The following FAM118A variants were observed in gnomAD, a reference collection of about 807,000 sequenced individuals.
FAM118A encodes the protein SIR2 antiphage like 2.
Under a neutral mutation model 38.2 loss-of-function variants are expected in FAM118A, and 25 were observed. The observed-to-expected ratio is 0.65, with a 90% CI of 0.48 to 0.91. The LOEUF is 0.91. Ranked by LOEUF, FAM118A falls within the 40% of genes least tolerant of loss-of-function variation. FAM118A has a pLI of 0.00. For synonymous variants in FAM118A, 178 were observed against 184.1 expected (o/e 0.97, Z 0.27); for missense variants, 425 against 463.3 (o/e 0.92, Z 0.76).
Position 45,340,651 on chromosome 22 carries a change from C to T in FAM118A, c.*246C>T. 2 of 547,462 alleles carry T rather than the reference C, an allele frequency of 3.7e-6. No homozygotes were observed. The highest frequency in any genetic ancestry group is 6.5e-6 in the Non-Finnish European group (2 of 308,686). The allele number at this position is 547,462 out of a possible 1,614,324, so 33.9% of individuals were successfully genotyped here. A position where few individuals can be genotyped will look rare whatever the true frequency, so the allele number is the denominator to read the frequency against. ...TTTGCAAGGACTGATGGATAGCTAC[C>T]TCAGGGACCAGAATCCGTGGGAAGG... On this transcript the variant is annotated 3_prime_UTR_variant, in exon 9 of 9. Transcript: ENST00000441876.
At chr22:45,322,157 C>T (rs1171752093) in intron 1 of FAM118A, 2 of 1,494,300 alleles carry the variant, frequency 1.3e-6, no homozygotes, top group South Asian at 1.2e-5. Flanking sequence ...CAGCGAGAGT[C>T]CAACCAGCCT....
intron 3 of FAM118A, among the ~76,000 whole-genome samples, chr22:45,326,477 C>T (rs2085272892): frequency 6.6e-6 from 1 of 152,044 alleles, no homozygotes; most frequent in South Asian, 2.1e-4. Flanking sequence ...CACTTGAGGG[C>T]AGGAGTTCAA....
chr22:45,339,006 C>T (rs1173968793), intron 8 of FAM118A, among the ~76,000 whole-genome samples: 1 of 152,230 alleles, frequency 6.6e-6, no homozygotes, highest in African/African-American at 2.4e-5. Flanking sequence ...GCCCTAGCGT[C>T]CTGCCGTCCA....
chr22:45,316,383 C>T (rs1331250942), intron 1 of FAM118A, among the ~76,000 whole-genome samples: 2 of 152,144 alleles, frequency 1.3e-5, no homozygotes, highest in Non-Finnish European at 2.9e-5. Context: ...CTCTCCCAAG[C>T]CTACGTGGGA....
chr22:45,337,108 A>G (rs2086158768), intron 8 of FAM118A, among the ~76,000 whole-genome samples: 1 of 152,096 alleles, frequency 6.6e-6, no homozygotes, highest in African/African-American at 2.4e-5. Flanking sequence ...TTCTTTAAAT[A>G]ACATACTTAA....
chr22:45,323,238 C>T lies in FAM118A; in HGVS notation c.111C>T (p.Gly37=), dbSNP rs759672615. The part of the protein sequence containing the change: ...PQELLLVIGT[G]VSAAVAPGIP... ...AACTGCTCCTGGTTATCGGGACTGG[C>T]GTCAGCGCAGCAGTGGCCCCCGGAA... Residue 37 remains glycine, a synonymous_variant, in exon 3 of 9, where the codon GGC becomes GGT. Transcript: ENST00000441876. 1.2e-5 allele frequency: 20 copies of T among 1,614,206 alleles called. No homozygotes were observed. In the East Asian group the frequency reaches 1.6e-4, roughly 13 times the overall value.
At chr22:45,312,240 G>A (rs2084401572) in intron 1 of FAM118A, among the ~76,000 whole-genome samples, 1 of 152,190 alleles carries the variant, frequency 6.6e-6, no homozygotes, top group Non-Finnish European at 1.5e-5. Context: ...ACTACCTGGA[G>A]ATAGCATCAA....
intron 6 of FAM118A, among the ~76,000 whole-genome samples, chr22:45,333,744 G>C (rs1364652754): frequency 6.6e-6 from 1 of 151,870 alleles, no homozygotes; most frequent in African/African-American, 2.4e-5. Flanking sequence ...TGGAGGCTCA[G>C]GTGGGGGGAT....
rs564003803 is a variant in FAM118A at position 45,337,382 on chromosome 22, C to T, written c.1054+971C>T. 6.8e-4 allele frequency among the ~76,000 whole-genome samples: 104 copies of T among 152,336 alleles called. 2 individuals are homozygous for T. In the South Asian group the frequency reaches 0.021, roughly 30 times the overall value. On this transcript the variant is annotated intron_variant, in intron 8 of 8. Coordinates refer to ENST00000441876, the MANE Select transcript of FAM118A (RefSeq NM_017911.4). ...AGTGCCACGCCGCCTGTGCCAGCTG[C>T]GGATGTGTCCTCAATGTCAGGGTCA...
At position 45,335,341 on chromosome 22, in the gene FAM118A, C is replaced by G; in HGVS notation, c.938-9C>G. On this transcript the variant is annotated splice_polypyrimidine_tract_variant and intron_variant, in intron 6 of 8. Coordinates refer to ENST00000441876, the MANE Select transcript of FAM118A (RefSeq NM_017911.4). The stretch of plus-strand genomic sequence containing the variant: ...TCGGCTCCACTGACTGCTTTTCTTT[C>G]TCCTTCAGATGCTGATCGCGTGGAC... 1 of 1,614,254 alleles carries G rather than the reference C, an allele frequency of 6.2e-7. No homozygotes were observed. Among genetic ancestry groups the G allele is most frequent in the East Asian group, 2.2e-5 (1 of 44,886 alleles).
intron 1 of FAM118A, chr22:45,318,351 A>T (rs752794340): frequency 6.6e-6 from 1 of 152,176 alleles, no homozygotes; most frequent in Non-Finnish European, 1.5e-5. Flanking sequence ...GGGCCCACAC[A>T]CCGTGGTGAC....
chr22:45,322,265 A>T, intron 1 of FAM118A, 106 bp from the exon 2 acceptor site: 1 of 1,575,908 alleles, frequency 6.3e-7, no homozygotes, highest in East Asian at 2.3e-5. Flanking sequence ...TTAAGTAAAG[A>T]TTGAGGACCT....
At chr22:45,335,504 C>T (rs1307664163) in intron 7 of FAM118A, 122 bp downstream of exon 7, 2 of 1,111,374 alleles carry the variant, frequency 1.8e-6, no homozygotes, top group Admixed American at 2.1e-5. Flanking sequence ...TGTATTAAAA[C>T]AGCCCCACTG....
At chr22:45,317,583 G>A (rs1025204992) in intron 1 of FAM118A, among the ~76,000 whole-genome samples, 5 of 152,186 alleles carry the variant, frequency 3.3e-5, no homozygotes, top group Admixed American at 3.3e-4. Context: ...CGTGATGTTC[G>A]TTCATTCGTC....
chr22:45,318,013 G>GGGTT (rs2146603589), intron 1 of FAM118A, among the ~76,000 whole-genome samples: 1 of 152,340 alleles, frequency 6.6e-6, no homozygotes, highest in African/African-American at 2.4e-5. Flanking sequence ...TACCACGGTA[G>GGGTT]GGTTGTGAGG....
At position 45,327,917 on chromosome 22, in the gene FAM118A, C is replaced by T. The variant is rs140683394; in HGVS notation, c.376C>T (p.Arg126Trp). ...GTTTGACGACCTGGAGCAGCACATC[C>T]GGAGTCCTGTGGTGCTGCAGTCGAT... ...EVFDDLEQHI[R>W]SPVVLQSILS... The change falls in exon 4 of 9, where the codon CGG becomes TGG. Residue 126 changes from arginine (R) to tryptophan (W), a missense_variant. Arg to Trp is a moderately radical substitution (Grantham distance 101). Transcript: ENST00000441876. 3.8e-4 allele frequency: 618 copies of T among 1,614,200 alleles called. 1 individual carries two copies. Among genetic ancestry groups the T allele is most frequent in the Non-Finnish European group, 4.9e-4 (573 of 1,180,022 alleles).
chr22:45,323,134 C>T lies in FAM118A; in HGVS notation c.48-41C>T, dbSNP rs73440450. 6.9e-4 allele frequency: 1,099 copies of T among 1,599,238 alleles called. 5 individuals are homozygous for T. The Middle Eastern group carries it at 7.2e-3, about 10-fold the overall frequency. ...CCAGACTTTGTGTTTGCAATGTTTC[C>T]GCTTTGACTTTCATTCTCTTGCTCC... is the stretch of plus-strand genomic sequence containing the variant. On this transcript the variant is annotated intron_variant, in intron 2 of 8. Transcript: ENST00000441876.
intron 1 of FAM118A, among the ~76,000 whole-genome samples, chr22:45,317,803 C>T (rs1194567777): frequency 1.3e-5 from 2 of 152,232 alleles, no homozygotes; most frequent in African/African-American, 4.8e-5. Flanking sequence ...CACCAAGTGG[C>T]AGGCCAGAGC....
chr22:45,310,481 C>T (rs1053295420), intron 1 of FAM118A, among the ~76,000 whole-genome samples: 3 of 152,138 alleles, frequency 2.0e-5, no homozygotes, highest in Admixed American at 2.0e-4. Context: ...TTCCAGCAAC[C>T]TCCTCAGAAG....
Sources: allele counts gnomAD v4.1 joint callset (sites outside exome capture counted in the v4.1 genomes callset), GRCh38; gene constraint gnomAD v4.1.1; transcripts MANE v1.5; gene names NCBI Gene and HGNC (gene_info 2026-07-23, HGNC 2026-07-21).